Variants in OLFML1 observed in about 807,000 individuals in gnomAD.
OLFML1 encodes the protein olfactomedin like 1.
In OLFML1, 33 loss-of-function variants were observed where a neutral mutation model predicts 37.3. The observed-to-expected ratio is 0.88, with a 90% CI of 0.67 to 1.18. The LOEUF (loss-of-function observed/expected upper bound fraction) is 1.18, where lower values mean the gene tolerates loss of function less well. Ranked by LOEUF, OLFML1 falls within the 50% of genes most tolerant of loss-of-function variation. The probability of loss-of-function intolerance (pLI) is 0.00; values close to 1 mark genes in which losing one functional copy is unlikely to be tolerated. For synonymous variants in OLFML1, 186 were observed against 181.3 expected, an observed-to-expected ratio of 1.03 and a Z score of -0.21; for missense variants, 545 against 483.7, an observed-to-expected ratio of 1.13 and a Z score of -1.19.
intron 2 of OLFML1, among the ~76,000 whole-genome samples, chr11:7,501,290 G>A (rs1848723145): frequency 6.6e-6 from 1 of 152,204 alleles, no homozygotes; most frequent in African/African-American, 2.4e-5. Context: ...GCTCAGTATG[G>A]CAGGGGGTCC....
intron 1 of OLFML1, 89 bp downstream of exon 1, chr11:7,486,093 T>A: frequency 2.3e-6 from 3 of 1,292,956 alleles, no homozygotes. Flanking sequence ...CTGGGTTGTA[T>A]TTTTCCCAGA....
At chr11:7,505,673 T>A (rs1044845561) in intron 2 of OLFML1, among the ~76,000 whole-genome samples, 1 of 151,968 alleles carries the variant, frequency 6.6e-6, no homozygotes, top group Non-Finnish European at 1.5e-5. Flanking sequence ...TTGCAAAAAA[T>A]AAACAAAATT....
rs182166290 is a variant in OLFML1 at position 7,485,786 on chromosome 11, G to A, written c.-90G>A. On this transcript the variant is annotated 5_prime_UTR_variant, in exon 1 of 3. Coordinates refer to ENST00000329293, the MANE Select transcript of OLFML1 (RefSeq NM_198474.4). ...TTTTTAGAGGATTTGCCACAGCAGCGGATAGAGCAGGAGAGCACCACCGGA... is the reference window on the plus strand; with the variant it reads ...TTTTTAGAGGATTTGCCACAGCAGCAGATAGAGCAGGAGAGCACCACCGGA... The A allele has an allele frequency of 3.0e-4, 400 of 1,326,604 alleles. 2 individuals are homozygous for A. In the East Asian group the frequency reaches 7.7e-3, roughly 26 times the overall value. 82.2% of individuals were successfully genotyped at this position (1,326,604 alleles called of 1,614,324 possible).
At chr11:7,502,786 A>G (rs1364186886) in intron 2 of OLFML1, among the ~76,000 whole-genome samples, 2 of 152,030 alleles carry the variant, frequency 1.3e-5, no homozygotes, top group African/African-American at 2.4e-5. Flanking sequence ...TTGTATTTTA[A>G]GTAGAGATGG....
intron 2 of OLFML1, among the ~76,000 whole-genome samples, chr11:7,499,012 C>T (rs538947001): frequency 7.3e-4 from 111 of 152,296 alleles, no homozygotes; most frequent in African/African-American, 2.4e-3. Context: ...ACCAATGTTT[C>T]GGATCCTTAA....
chr11:7,507,749 A>T (rs1199346182), intron 2 of OLFML1, among the ~76,000 whole-genome samples: 4 of 152,096 alleles, frequency 2.6e-5, no homozygotes, highest in African/African-American at 7.2e-5. Flanking sequence ...GGGTTTCACC[A>T]TGTTGGCTAG....
At chr11:7,489,948 C>A (rs1008034495) in intron 2 of OLFML1, among the ~76,000 whole-genome samples, 3 of 152,024 alleles carry the variant, frequency 2.0e-5, no homozygotes, top group African/African-American at 7.3e-5. Flanking sequence ...TCCTACCTCC[C>A]TATCTGTAAT....
intron 2 of OLFML1, chr11:7,504,656 C>A (rs546632201): frequency 6.6e-6 from 1 of 152,258 alleles, no homozygotes; most frequent in Non-Finnish European, 1.5e-5. Context: ...GAGGGTATGA[C>A]AGAGGCTTGC....
chr11:7,488,277 C>G lies in OLFML1; in HGVS notation c.280C>G (p.Arg94Gly). 1 of 1,614,014 alleles carries G rather than the reference C, an allele frequency of 6.2e-7. No individual in the cohort carries two copies. The change falls in exon 2 of 3, where the codon CGT (arginine) becomes GGT (glycine). Residue 94 changes from arginine (R) to glycine (G), a missense_variant. Coordinates refer to ENST00000329293, the MANE Select transcript of OLFML1 (RefSeq NM_198474.4). ...AVGNLALRVE[R>G]AQREIDYIQY... The stretch of plus-strand genomic sequence containing the variant: ...GGGTAACTTGGCACTGAGAGTTGAA[C>G]GTGCCCAACGGGAGATTGACTACAT...
Position 7,485,806 on chromosome 11 carries a change from A to C in OLFML1, c.-70A>C. 1.3e-6 allele frequency: 2 copies of C among 1,518,436 alleles called. No individual in the cohort carries two copies. The highest frequency in any genetic ancestry group is 4.5e-5 in the East Asian group (2 of 44,352). 94.1% of individuals were successfully genotyped at this position (1,518,436 alleles called of 1,614,324 possible). Reference sequence around the variant, plus strand: ...GCAGCGGATAGAGCAGGAGAGCACCACCGGAGCCCTTGAGACATCCTTGAG... The same window carrying C: ...GCAGCGGATAGAGCAGGAGAGCACCCCCGGAGCCCTTGAGACATCCTTGAG... On this transcript the variant is annotated 5_prime_UTR_variant, in exon 1 of 3. Coordinates refer to ENST00000329293, the MANE Select transcript of OLFML1 (RefSeq NM_198474.4).
At position 7,510,091 on chromosome 11, in the gene OLFML1, T is replaced by TACAACC. The variant is rs773139274; in HGVS notation, c.1112_1113insACAACC (p.Ile371_His372insGlnPro). On this transcript the variant is annotated inframe_insertion, in exon 3 of 3. Coordinates refer to ENST00000329293, the MANE Select transcript of OLFML1 (RefSeq NM_198474.4). ...AAGAGACCAAGAAGTCACTCCATGA[T>TACAACC]CCATTACAACCCCAGAGATAAGCAG... 6.2e-7 allele frequency: 1 copy of TACAACC among 1,614,148 alleles called. No homozygotes were observed. Among genetic ancestry groups the TACAACC allele is most frequent in the Admixed American group, 1.7e-5 (1 of 60,032 alleles).
intron 2 of OLFML1, among the ~76,000 whole-genome samples, chr11:7,501,999 T>A (rs986870401): frequency 9.2e-5 from 14 of 152,146 alleles, no homozygotes; most frequent in African/African-American, 3.1e-4. Context: ...AAGAATATGA[T>A]AAGTGATCTC....
intron 2 of OLFML1, among the ~76,000 whole-genome samples, chr11:7,494,254 T>C (rs1381643688): frequency 1.3e-5 from 2 of 152,194 alleles, no homozygotes; most frequent in South Asian, 2.1e-4. Context: ...AGAGAGGTGA[T>C]GAAAGAACCA....
chr11:7,491,002 CCCT>C (rs1454207240), intron 2 of OLFML1, among the ~76,000 whole-genome samples: 5 of 152,030 alleles, frequency 3.3e-5, no homozygotes, highest in African/African-American at 1.2e-4. Context: ...ATAAGAAAGG[CCCT>C]TTACAAAGTG....
chr11:7,497,870 A>T (rs1319236227), intron 2 of OLFML1, among the ~76,000 whole-genome samples: 6 of 152,204 alleles, frequency 3.9e-5, no homozygotes, highest in Non-Finnish European at 1.5e-5. Context: ...CCCTGGGTTC[A>T]TAGCCCTTCT....
intron 2 of OLFML1, among the ~76,000 whole-genome samples, chr11:7,503,863 A>G (rs1012393210): frequency 7.9e-5 from 12 of 152,172 alleles, no homozygotes; most frequent in African/African-American, 2.9e-4. Flanking sequence ...TGGTTGTTGA[A>G]AATTCATTAT....
At position 7,488,325 on chromosome 11, in the gene OLFML1, G is replaced by A; in HGVS notation, c.328G>A (p.Glu110Lys). 9 of 1,614,074 alleles carry A rather than the reference G, an allele frequency of 5.6e-6. No individual in the cohort carries two copies. Among genetic ancestry groups the A allele is most frequent in the East Asian group, 2.2e-5 (1 of 44,878 alleles). ...DYIQYLREAD[E>K]CIESEDKTLA... ...CATACAATACCTTCGAGAGGCTGAC[G>A]AGTGCATCGAATCAGAGGACAAGAC... Residue 110 changes from glutamate (E) to lysine (K), a missense_variant, in exon 2 of 3, where the codon GAG (glutamate) becomes AAG (lysine). By Grantham distance (56) the Glu-to-Lys change is moderately conservative. Coordinates refer to ENST00000329293, the MANE Select transcript of OLFML1 (RefSeq NM_198474.4).
At chr11:7,501,432 C>A (rs1188266349) in intron 2 of OLFML1, among the ~76,000 whole-genome samples, 1 of 152,234 alleles carries the variant, frequency 6.6e-6, no homozygotes, top group Non-Finnish European at 1.5e-5. Context: ...AGGAAAGCAA[C>A]CCCTCAGGCT....
rs750441718 is a variant in OLFML1, at chr11:7,488,177, C to A, written c.180C>A (p.Phe60Leu). Residue 60 changes from phenylalanine to leucine, a missense_variant, in exon 2 of 3, where the codon TTC becomes TTA. By Grantham distance (22) the Phe-to-Leu change is conservative. Coordinates refer to ENST00000329293, the MANE Select transcript of OLFML1 (RefSeq NM_198474.4). Reference sequence around the variant, plus strand: ...CAACGAGGGCATACATTCAAGAATTCCAAGAGTTCTCAAAAAATATATCTG... The same window carrying A: ...CAACGAGGGCATACATTCAAGAATTACAAGAGTTCTCAAAAAATATATCTG... ...TQATRAYIQEFQEFSKNISVM... is the reference protein window; with the variant it reads ...TQATRAYIQELQEFSKNISVM... 5.0e-6 allele frequency: 8 copies of A among 1,613,610 alleles called. No homozygotes were observed. Among genetic ancestry groups the A allele is most frequent in the Non-Finnish European group, 6.8e-6 (8 of 1,179,766 alleles).
Sources: allele counts gnomAD v4.1 joint callset (sites outside exome capture counted in the v4.1 genomes callset), GRCh38; gene constraint gnomAD v4.1.1; transcripts MANE v1.5; gene names NCBI Gene and HGNC (gene_info 2026-07-23, HGNC 2026-07-21).